ARVCF: variants seen among roughly 807,000 people sequenced by gnomAD.
ARVCF encodes ARVCF delta catenin family member.
A neutral mutation model predicts 90.9 loss-of-function variants in ARVCF; 66 were observed. That is an observed-to-expected ratio of 0.73 (90% CI 0.60 to 0.89). ARVCF has a LOEUF of 0.89. Among genes scored for constraint, ARVCF ranks in the 40% least tolerant of loss-of-function variants. The pLI is 0.00. For missense variants in ARVCF, 1,469 were observed against 1,382.3 expected (o/e 1.06, Z -1.00); for synonymous variants, 653 against 603.4 (o/e 1.08, Z -1.21).
chr22:19,980,257 G>C lies in ARVCF; in HGVS notation c.897-15C>G. On this transcript the variant is annotated splice_polypyrimidine_tract_variant and intron_variant, in intron 5 of 19. Transcript: ENST00000263207. The stretch of plus-strand genomic sequence containing the variant: ...CCTCGTAGGCCCTGCACAGGCAAGT[G>C]GGGCGCGTGGACATCGTCACAGCAG... The C allele has an allele frequency of 6.7e-7, 1 of 1,501,630 alleles. No homozygotes were observed. The highest frequency in any genetic ancestry group is 8.9e-7 in the Non-Finnish European group (1 of 1,128,928). The allele number at this position is 1,501,630 out of a possible 1,614,324, so 93.0% of individuals were successfully genotyped here. A position where few individuals can be genotyped will look rare whatever the true frequency, so the allele number is the denominator to read the frequency against.
chr22:19,973,721 C>T lies in ARVCF; in HGVS notation c.2161G>A (p.Glu721Lys), dbSNP rs1942982031. 3 of 1,609,674 alleles carry T rather than the reference C, an allele frequency of 1.9e-6. No individual in the cohort carries two copies. The highest frequency in any genetic ancestry group is 3.3e-5 in the Admixed American group (2 of 59,998). ...ACGGCGCGCACCACCTTGTCGGTCT[C>T]AGACTGCAGCAGTTCCACAAGCACC... is the stretch of plus-strand genomic sequence containing the variant. ...LPVLVELLQSETDKVVRAVAI... is the reference protein window; with the variant it reads ...LPVLVELLQSKTDKVVRAVAI... The change falls in exon 13 of 20, where the codon GAG (glutamate) becomes AAG (lysine). Residue 721 changes from glutamate to lysine, a missense_variant. Coordinates refer to ENST00000263207, the MANE Select transcript of ARVCF (RefSeq NM_001670.3).
At chr22:19,974,350 G>T in intron 11 of ARVCF, 111 bp from the exon 12 acceptor site, 1 of 1,275,036 alleles carries the variant, frequency 7.8e-7, no homozygotes, top group Non-Finnish European at 1.0e-6. Flanking sequence ...CTGGGGCCAG[G>T]GATGGGTGTG....
Position 19,973,026 on chromosome 22 carries a change from G to A in ARVCF, c.2449C>T (p.Arg817Cys), listed in dbSNP as rs775399689. Residue 817 changes from arginine to cysteine, a missense_variant, in exon 15 of 20, where the codon CGC becomes TGC. Transcript: ENST00000263207. ...ACGTGTGACGCCGCCTTCGCTTCGC[G>A]TACCGATTGGCTGTGGGGCCGGGGG... ...VALVASSQSV[R>C]EAKAASHVLQ... is the part of the protein sequence containing the mutation. 10 of 1,612,914 alleles carry A rather than the reference G, an allele frequency of 6.2e-6. No individual in the cohort carries two copies. The South Asian group carries it at 1.1e-4, about 18-fold the overall frequency.
At chr22:19,993,564 C>T (rs1944110623) in intron 2 of ARVCF, among the ~76,000 whole-genome samples, 1 of 152,228 alleles carries the variant, frequency 6.6e-6, no homozygotes, top group African/African-American at 2.4e-5. Context: ...CTTGGCCTCC[C>T]CTAACCTGGT....
chr22:19,975,420 G>A (rs1024173230), intron 11 of ARVCF, among the ~76,000 whole-genome samples: 3 of 152,128 alleles, frequency 2.0e-5, no homozygotes, highest in Admixed American at 6.5e-5. Flanking sequence ...CTTACGCACC[G>A]TGAGGCCGAG....
At chr22:20,001,333 C>A (rs1305657353) in intron 2 of ARVCF, among the ~76,000 whole-genome samples, 1 of 152,150 alleles carries the variant, frequency 6.6e-6, no homozygotes, top group Non-Finnish European at 1.5e-5. Flanking sequence ...GACCCACCTG[C>A]AGGGACAAGC....
Position 19,988,169 on chromosome 22 carries a change from G to A in ARVCF, c.210+2416C>T, listed in dbSNP as rs117467671. On this transcript the variant is annotated intron_variant, in intron 3 of 19. Transcript: ENST00000263207. ...GGGACCACTCCCTGCTGCCCTGAGCGCCATATACAGAGGCCACTCGGCTAG... is the reference window on the plus strand; with the variant it reads ...GGGACCACTCCCTGCTGCCCTGAGCACCATATACAGAGGCCACTCGGCTAG... Among the ~76,000 whole-genome samples the A allele has an allele frequency of 9.3e-3, 1,416 of 152,206 alleles. 9 individuals are homozygous for A. The highest frequency in any genetic ancestry group is 0.015 in the Non-Finnish European group (999 of 68,000).
Position 20,016,645 on chromosome 22 carries a change from C to T in ARVCF, c.-129G>A, listed in dbSNP as rs1361801704. 1 of 150,880 alleles carries T rather than the reference C, an allele frequency of 6.6e-6. No individual in the cohort carries two copies. Among genetic ancestry groups the T allele is most frequent in the Non-Finnish European group, 1.5e-5 (1 of 67,620 alleles). 9.3% of individuals were successfully genotyped at this position (150,880 alleles called of 1,614,324 possible). A position where few individuals can be genotyped will look rare whatever the true frequency, so the allele number is the denominator to read the frequency against. ...GGCCTCGGACCCCAGAAGGGCTTCC[C>T]CGGGTCCGTTGGCGCGCGGGGAGCG... On this transcript the variant is annotated 5_prime_UTR_variant, in exon 1 of 20. Coordinates refer to ENST00000263207, the MANE Select transcript of ARVCF (RefSeq NM_001670.3).
rs1944832485 is a variant in ARVCF at position 20,011,546 on chromosome 22, G to A, written c.-72-1038C>T. ...GGGTCCAAGTGAGGGTGGGCGACTG[G>A]CTACGCCTCAGGGTGGGATCATGGG... On this transcript the variant is annotated intron_variant, in intron 1 of 19. Transcript: ENST00000263207. Among the ~76,000 whole-genome samples the A allele has an allele frequency of 2.6e-5, 4 of 152,264 alleles. No homozygotes were observed. In the South Asian group the frequency reaches 8.3e-4, roughly 32 times the overall value.
At chr22:19,973,078 C>T in intron 14 of ARVCF, 41 bp downstream of exon 14, 2 of 1,606,240 alleles carry the variant, frequency 1.2e-6, no homozygotes, top group Non-Finnish European at 1.7e-6. Flanking sequence ...CCCTCCCCCA[C>T]CTCCGCGGCT....
At chr22:20,014,371 T>C (rs1944947537) in intron 1 of ARVCF, among the ~76,000 whole-genome samples, 1 of 151,630 alleles carries the variant, frequency 6.6e-6, no homozygotes, top group Non-Finnish European at 1.5e-5. Context: ...ATTTTTGTAT[T>C]TTTAGTAGAG....
rs372955497 is a variant in ARVCF at position 19,982,064 on chromosome 22, G to A, written c.238C>T (p.Leu80=). ...TCAGGTGCCTCCGGCATCGTGGCCA[G>A]TGAGGCCTGGCTGCCTGGGCTCTGC... ...QEQSPGSQAS[L]ATMPEAPDVL... is the part of the protein sequence containing the mutation. Residue 80 remains leucine (L), a synonymous_variant, in exon 4 of 20, where the codon CTG becomes TTG. Coordinates refer to ENST00000263207, the MANE Select transcript of ARVCF (RefSeq NM_001670.3). 4.1e-4 allele frequency: 657 copies of A among 1,612,354 alleles called. No homozygotes were observed. Among genetic ancestry groups the A allele is most frequent in the Non-Finnish European group, 5.4e-4 (634 of 1,179,972 alleles).
Position 19,979,858 on chromosome 22 carries a change from G to C in ARVCF, c.1281C>G (p.Leu427=). ...RRRACGALRN[L]SYGRDTDNKA... is the part of the protein sequence containing the mutation. ...TGTTGTCAGTGTCGCGGCCATAGGAGAGGTTGCGCAGTGCCCCACAGGCCC... is the reference window on the plus strand; with the variant it reads ...TGTTGTCAGTGTCGCGGCCATAGGACAGGTTGCGCAGTGCCCCACAGGCCC... The change falls in exon 6 of 20, where the codon CTC becomes CTG. Residue 427 remains leucine, a synonymous_variant. Transcript: ENST00000263207. 1 of 1,609,094 alleles carries C rather than the reference G, an allele frequency of 6.2e-7. No homozygotes were observed. The highest frequency in any genetic ancestry group is 8.5e-7 in the Non-Finnish European group (1 of 1,178,738).
At chr22:19,979,305 G>C (rs1253526253) in intron 6 of ARVCF, 1 of 582,168 alleles carries the variant, frequency 1.7e-6, no homozygotes, top group Non-Finnish European at 3.0e-6. Context: ...TGGCAGTGCT[G>C]TCCCGTCCCA....
In ARVCF at chr22:19,980,060, AGCTCAGGGTCCCGCCAGCGCG is replaced by A; in HGVS notation, c.1058_1078del (p.Pro353_Glu359del). The A allele has an allele frequency of 6.3e-7, 1 of 1,582,958 alleles. No individual in the cohort carries two copies. The highest frequency in any genetic ancestry group is 1.1e-5 in the South Asian group (1 of 88,638). On this transcript the variant is annotated inframe_deletion, in exon 6 of 20. Coordinates refer to ENST00000263207, the MANE Select transcript of ARVCF (RefSeq NM_001670.3). The stretch of plus-strand genomic sequence containing the variant: ...CCGCAGCATGGCCAGCACCTCAGGC[AGCTCAGGGTCCCGCCAGCGCG>A]GCTCCTTGCGGGCGCTATCCACTGA...
At chr22:20,010,856 G>T (rs1427505059) in intron 1 of ARVCF, among the ~76,000 whole-genome samples, 1 of 151,662 alleles carries the variant, frequency 6.6e-6, no homozygotes, top group Non-Finnish European at 1.5e-5. Flanking sequence ...CCAGGCTCAG[G>T]GTCCTGTTGC....
chr22:19,976,670 C>T lies in ARVCF; in HGVS notation c.1888+36G>A, dbSNP rs142040119. The T allele has an allele frequency of 2.0e-4, 310 of 1,552,918 alleles. 1 individual carries two copies. Among genetic ancestry groups the T allele is most frequent in the African/African-American group, 1.2e-3 (88 of 73,528 alleles). On this transcript the variant is annotated intron_variant, in intron 10 of 19. Transcript: ENST00000263207. ...CCTCTTCCCAGGTACCCACTGCACA[C>T]GCCAGGCCTGGAGAGCAGGATAAAA...
chr22:19,977,471 C>A lies in ARVCF; in HGVS notation c.1814G>T (p.Gly605Val). ...AEPGPLGSAV[G>V]SQRRRRDDAS... ...ATCATCCCGCCTCCGGCGCTGGGAG[C>A]CTACAGCACTGCCCAGGGGCCCGGG... The change falls in exon 9 of 20, where the codon GGC becomes GTC. Residue 605 changes from glycine (G) to valine (V), a missense_variant. By Grantham distance (109) the Gly-to-Val change is moderately radical. Coordinates refer to ENST00000263207, the MANE Select transcript of ARVCF (RefSeq NM_001670.3). The A allele has an allele frequency of 6.3e-7, 1 of 1,576,076 alleles. No homozygotes were observed. Among genetic ancestry groups the A allele is most frequent in the Non-Finnish European group, 8.6e-7 (1 of 1,161,808 alleles).
chr22:19,991,299 G>T (rs909476715), intron 2 of ARVCF, among the ~76,000 whole-genome samples: 2 of 152,248 alleles, frequency 1.3e-5, no homozygotes, highest in Non-Finnish European at 2.9e-5. Flanking sequence ...CAAGCAGGGA[G>T]TGAGAAGCTG....
Sources: allele counts gnomAD v4.1 joint callset (sites outside exome capture counted in the v4.1 genomes callset), GRCh38; gene constraint gnomAD v4.1.1; transcripts MANE v1.5; gene names NCBI Gene and HGNC (gene_info 2026-07-23, HGNC 2026-07-21).